Variants in PCDHA3 observed in about 807,000 individuals in gnomAD.
PCDHA3 encodes protocadherin alpha-3.
Under a neutral mutation model 62.2 loss-of-function variants are expected in PCDHA3, and 41 were observed. The observed-to-expected ratio is 0.66, with a 90% CI of 0.51 to 0.86. The LOEUF (loss-of-function observed/expected upper bound fraction) is 0.86. Among genes scored for constraint, PCDHA3 ranks in the 40% least tolerant of loss-of-function variants. PCDHA3 has a pLI of 0.00. For missense variants in PCDHA3, 1,304 were observed against 1,241.2 expected, an observed-to-expected ratio of 1.05 and a Z score of -0.76; for synonymous variants, 640 against 555.4, an observed-to-expected ratio of 1.15 and a Z score of -2.14.
rs139807581 is a variant in PCDHA3, at chr5:140,835,502, C to T, written c.2394+31911C>T. ...CAGGTACCGTCATCACATTGATTAG[C>T]GTGTTTGACCGAGATTTTGGAGTCA... is the stretch of plus-strand genomic sequence containing the variant. On this transcript the variant is annotated intron_variant, in intron 1 of 3. Transcript: ENST00000522353. 113 of 1,613,806 alleles carry T rather than the reference C, an allele frequency of 7.0e-5. 1 individual carries two copies. Among genetic ancestry groups the T allele is most frequent in the Non-Finnish European group, 8.7e-5 (103 of 1,179,880 alleles).
At chr5:140,911,202 A>C (rs1554194649) in intron 1 of PCDHA3, among the ~76,000 whole-genome samples, 1 of 152,184 alleles carries the variant, frequency 6.6e-6, no homozygotes. Flanking sequence ...ACATGTTGCC[A>C]CTACTGGGGA....
chr5:140,872,320 A>G (rs1409087290), intron 1 of PCDHA3, among the ~76,000 whole-genome samples: 1 of 152,166 alleles, frequency 6.6e-6, no homozygotes, highest in Admixed American at 6.5e-5. Context: ...TATGGAAATA[A>G]TATGACTAAA....
intron 1 of PCDHA3, among the ~76,000 whole-genome samples, chr5:140,931,140 G>C (rs1176305397): frequency 6.6e-6 from 1 of 152,070 alleles, no homozygotes; most frequent in African/African-American, 2.4e-5. Context: ...TATTTGCAGT[G>C]GATACTATTT....
chr5:141,000,389 C>CTA (rs2097911342), intron 3 of PCDHA3, among the ~76,000 whole-genome samples: 14 of 62,576 alleles, frequency 2.2e-4, no homozygotes, highest in South Asian at 6.5e-4. Context: ...CTCTCTCTCT[C>CTA]TCTCTCTATA....
intron 1 of PCDHA3, among the ~76,000 whole-genome samples, chr5:140,936,910 G>A (rs1221304306): frequency 6.6e-6 from 1 of 152,062 alleles, no homozygotes; most frequent in African/African-American, 2.4e-5. Context: ...TATTGAATCT[G>A]TAGAAAATAT....
At position 140,955,726 on chromosome 5, in the gene PCDHA3, C is replaced by A. The variant is rs934215613; in HGVS notation, c.2395-23223C>A. Among the ~76,000 whole-genome samples the A allele has an allele frequency of 8.5e-5, 13 of 152,264 alleles. No individual in the cohort carries two copies. In the South Asian group the frequency reaches 2.5e-3, roughly 29 times the overall value. Reference sequence around the variant, plus strand: ...AAGTTTAATAGGAATACCATTGAATCTATAAATTACTTTGAGCATTATTGC... The same window carrying A: ...AAGTTTAATAGGAATACCATTGAATATATAAATTACTTTGAGCATTATTGC... On this transcript the variant is annotated intron_variant, in intron 1 of 3. Coordinates refer to ENST00000522353, the MANE Select transcript of PCDHA3 (RefSeq NM_018906.3).
chr5:140,957,138 C>G (rs1554222835), intron 1 of PCDHA3, among the ~76,000 whole-genome samples: 1 of 151,982 alleles, frequency 6.6e-6, no homozygotes, highest in African/African-American at 2.4e-5. Flanking sequence ...ACACTATGAA[C>G]TAAAAATTTT....
In PCDHA3 at chr5:140,830,639, G is replaced by A. The variant is rs1157735992; in HGVS notation, c.2394+27048G>A. The A allele has an allele frequency of 8.1e-6, 4 of 496,850 alleles. No homozygotes were observed. In the South Asian group the frequency reaches 1.8e-4, roughly 23 times the overall value. The allele number at this position is 496,850 out of a possible 1,614,324, so 30.8% of individuals were successfully genotyped here. A position where few individuals can be genotyped will look rare whatever the true frequency, so the allele number is the denominator to read the frequency against. ...TTGTGTTTCTTATTTTAATCTCTTT[G>A]CTTCTTTAATATTCATAATTTAAGT... On this transcript the variant is annotated intron_variant, in intron 1 of 3. Coordinates refer to ENST00000522353, the MANE Select transcript of PCDHA3 (RefSeq NM_018906.3).
rs539970308 is a variant in PCDHA3 at position 140,890,959 on chromosome 5, G to GGTTTT, written c.2394+87374_2394+87378dup. 2.6e-4 allele frequency among the ~76,000 whole-genome samples: 40 copies of GGTTTT among 152,148 alleles called. 1 individual carries two copies. In the South Asian group the frequency reaches 8.1e-3, roughly 31 times the overall value. On this transcript the variant is annotated intron_variant, in intron 1 of 3. Transcript: ENST00000522353. ...AAGATGCTGGTGAGGAATGATTTCAGGTTTTGTTTTTCTGAAAATGTCTTT... is the reference window on the plus strand; with the variant it reads ...AAGATGCTGGTGAGGAATGATTTCAGGTTTTGTTTTGTTTTTCTGAAAATGTCTTT...
intron 1 of PCDHA3, chr5:140,966,387 C>G: frequency 2.5e-6 from 1 of 405,008 alleles, no homozygotes. Context: ...GGTTCGCTGT[C>G]CGCCACTTCG....
At chr5:140,982,214 TG>T in intron 2 of PCDHA3, 1 of 485,000 alleles carries the variant, frequency 2.1e-6, no homozygotes, top group Non-Finnish European at 3.3e-6. Flanking sequence ...GAGCGCCACA[TG>T]GCGTTAATAA....
chr5:140,828,266 C>T, intron 1 of PCDHA3: 1 of 1,614,048 alleles, frequency 6.2e-7, no homozygotes, highest in Non-Finnish European at 8.5e-7. Context: ...GCTGGCGGAG[C>T]TGGTGCCGCG....
chr5:140,853,937 G>A (rs367556947), intron 1 of PCDHA3: 2 of 835,562 alleles, frequency 2.4e-6, no homozygotes, highest in Non-Finnish European at 2.9e-6. Flanking sequence ...GGGAGGCCAA[G>A]GTGGGAGGGT....
At chr5:140,871,314 G>T in intron 1 of PCDHA3, 2 of 1,614,048 alleles carry the variant, frequency 1.2e-6, no homozygotes, top group Non-Finnish European at 1.7e-6. Flanking sequence ...GGAAGCCCAC[G>T]CTGGTGTGCT....
At chr5:140,875,648 T>C in intron 1 of PCDHA3, 1 of 1,613,728 alleles carries the variant, frequency 6.2e-7, no homozygotes, top group Non-Finnish European at 8.5e-7. Flanking sequence ...CTGGCGGAGC[T>C]GGTGCCGCGC....
chr5:140,812,838 T>A (rs2126642140), intron 1 of PCDHA3: 1 of 152,368 alleles, frequency 6.6e-6, no homozygotes, highest in East Asian at 1.9e-4. Context: ...TTTGTTTATC[T>A]TAACATATTT....
chr5:140,877,604 T>G (rs376081263), intron 1 of PCDHA3: 2 of 1,613,768 alleles, frequency 1.2e-6, no homozygotes, highest in African/African-American at 1.3e-5. Context: ...TCCAGCCTGC[T>G]GGTGCTCACG....
intron 1 of PCDHA3, among the ~76,000 whole-genome samples, chr5:140,820,471 G>T (rs1189963482): frequency 6.6e-6 from 1 of 151,866 alleles, no homozygotes; most frequent in Non-Finnish European, 1.5e-5. Flanking sequence ...ACAGGTAAGG[G>T]ATATTTTGTA....
chr5:140,960,397 G>A (rs1322659184), intron 1 of PCDHA3, among the ~76,000 whole-genome samples: 1 of 152,102 alleles, frequency 6.6e-6, no homozygotes, highest in African/African-American at 2.4e-5. Flanking sequence ...AGGATGCAAG[G>A]GGGGGTGCCC....
Sources: gnomAD v4.1 joint callset for allele counts (sites outside exome capture counted in the v4.1 genomes callset) on GRCh38, gnomAD v4.1.1 for gene constraint, MANE v1.5 for transcripts, NCBI Gene and HGNC (gene_info 2026-07-23, HGNC 2026-07-21) for gene names.